Variants in MAGI2 observed in about 807,000 individuals in gnomAD.
MAGI2 encodes membrane associated guanylate kinase, WW and PDZ domain containing 2.
In MAGI2, 35 loss-of-function variants were observed where a neutral mutation model predicts 133.3. The observed-to-expected ratio is 0.26, with a 90% CI of 0.20 to 0.35. The LOEUF (loss-of-function observed/expected upper bound fraction) is 0.35. MAGI2 is among the 10% of genes least tolerant of loss of function. MAGI2 has a pLI of 1.00. For missense variants in MAGI2, 1,636 were observed against 1,863.4 expected (o/e 0.88, Z 2.25); for synonymous variants, 729 against 710.6 (o/e 1.03, Z -0.41).
At chr7:79,294,816 G>A (rs1406417101) in intron 1 of MAGI2, among the ~76,000 whole-genome samples, 5 of 130,036 alleles carry the variant, frequency 3.8e-5, no homozygotes, top group African/African-American at 8.5e-5. Flanking sequence ...TGCAAGCTCC[G>A]CCTCCCGGGT....
At chr7:79,324,935 T>A (rs1839574224) in intron 1 of MAGI2, among the ~76,000 whole-genome samples, 2 of 151,098 alleles carry the variant, frequency 1.3e-5, no homozygotes, top group Non-Finnish European at 2.9e-5. Context: ...AATAGGAAAA[T>A]TTGCATTTTT....
At position 78,870,761 on chromosome 7, in the gene MAGI2, A is replaced by ACTT. The variant is rs1236717582; in HGVS notation, c.418+136328_418+136329insAAG. 4.6e-5 allele frequency among the ~76,000 whole-genome samples: 7 copies of ACTT among 152,314 alleles called. No individual in the cohort carries two copies. The South Asian group carries it at 1.2e-3, about 27-fold the overall frequency. ...GACACTTGCACAATCATGTTTTAGC[A>ACTT]GCACAATTCACAATTGCAAAAATAT... On this transcript the variant is annotated intron_variant, in intron 2 of 21. Transcript: ENST00000354212.
intron 1 of MAGI2, among the ~76,000 whole-genome samples, chr7:79,060,400 T>C (rs983054745): frequency 2.6e-5 from 4 of 152,232 alleles, no homozygotes; most frequent in African/African-American, 9.6e-5. Flanking sequence ...ATAATGGTAG[T>C]TACCTCTAAG....
intron 1 of MAGI2, among the ~76,000 whole-genome samples, chr7:79,420,760 C>T (rs985979448): frequency 6.6e-6 from 1 of 151,910 alleles, no homozygotes; most frequent in Non-Finnish European, 1.5e-5. Context: ...CTCCAAAGTT[C>T]AGGCATTTTT....
intron 9 of MAGI2, among the ~76,000 whole-genome samples, chr7:78,323,129 T>C (rs564894528): frequency 7.7e-4 from 117 of 151,390 alleles, no homozygotes; most frequent in Non-Finnish European, 1.5e-3. Flanking sequence ...GTTTCCAAAA[T>C]GTTTGTTTAG....
chr7:78,734,422 T>G (rs1821652804), intron 2 of MAGI2, among the ~76,000 whole-genome samples: 1 of 152,176 alleles, frequency 6.6e-6, no homozygotes, highest in Non-Finnish European at 1.5e-5. Context: ...CTTATGTTCT[T>G]GACCTACCTC....
At chr7:78,630,330 G>A (rs567956804) in intron 2 of MAGI2, among the ~76,000 whole-genome samples, 1 of 150,784 alleles carries the variant, frequency 6.6e-6, no homozygotes, top group African/African-American at 2.4e-5. Flanking sequence ...CTTGTGTTTA[G>A]ATTAGTGTGA....
intron 10 of MAGI2, among the ~76,000 whole-genome samples, chr7:78,249,375 A>C (rs777868970): frequency 3.9e-5 from 6 of 152,250 alleles, no homozygotes; most frequent in South Asian, 4.1e-4. Flanking sequence ...TCTGAAGAAA[A>C]TAAAATGAAT....
chr7:79,321,063 G>C (rs1334329762), intron 1 of MAGI2, among the ~76,000 whole-genome samples: 4 of 152,108 alleles, frequency 2.6e-5, no homozygotes, highest in African/African-American at 9.7e-5. Flanking sequence ...TCTGTCATTA[G>C]ATGGACATAA....
At chr7:78,261,282 C>A (rs1046706950) in intron 9 of MAGI2, among the ~76,000 whole-genome samples, 1 of 152,102 alleles carries the variant, frequency 6.6e-6, no homozygotes, top group African/African-American at 2.4e-5. Flanking sequence ...TTGTTACTTG[C>A]CTCTAGTTAA....
intron 3 of MAGI2, among the ~76,000 whole-genome samples, chr7:78,567,317 C>A (rs956730175): frequency 6.6e-6 from 1 of 151,916 alleles, no homozygotes; most frequent in Non-Finnish European, 1.5e-5. Context: ...ATAACTGAAT[C>A]TGACACACAA....
At chr7:78,235,302 T>G (rs1790411366) in intron 10 of MAGI2, among the ~76,000 whole-genome samples, 1 of 152,156 alleles carries the variant, frequency 6.6e-6, no homozygotes, top group African/African-American at 2.4e-5. Flanking sequence ...GGCTGCATGC[T>G]CAAGGAAATT....
intron 1 of MAGI2, among the ~76,000 whole-genome samples, chr7:79,050,191 C>T (rs1393854291): frequency 1.3e-5 from 2 of 152,130 alleles, no homozygotes; most frequent in Non-Finnish European, 2.9e-5. Flanking sequence ...TGAATTTGGG[C>T]TCCATGCACA....
At position 78,843,239 on chromosome 7, in the gene MAGI2, C is replaced by T. The variant is rs1443060525; in HGVS notation, c.418+163851G>A. Among the ~76,000 whole-genome samples, 3 of 151,850 alleles carry T rather than the reference C, an allele frequency of 2.0e-5. No individual in the cohort carries two copies. In the Admixed American group the frequency reaches 2.0e-4, roughly 10 times the overall value. On this transcript the variant is annotated intron_variant, in intron 2 of 21. Transcript: ENST00000354212. ...ACTACATGTGGATGTGTTTCAGCAA[C>T]TTGAGGCTTCAGTTTTGAAATATAG... is the stretch of plus-strand genomic sequence containing the variant.
rs1790259756 is a variant in MAGI2, at chr7:78,340,548, A to G, written c.1408+3230T>C. Among the ~76,000 whole-genome samples, 6 of 152,212 alleles carry G rather than the reference A, an allele frequency of 3.9e-5. 1 individual carries two copies. The South Asian group carries it at 1.2e-3, about 32-fold the overall frequency. On this transcript the variant is annotated intron_variant, in intron 9 of 21. Coordinates refer to ENST00000354212, the MANE Select transcript of MAGI2 (RefSeq NM_012301.4). ...ATATCCTTGATGAACATCGATGCAAAAATCCTCAATAAAATACTGGCAAAC... is the reference window on the plus strand; with the variant it reads ...ATATCCTTGATGAACATCGATGCAAGAATCCTCAATAAAATACTGGCAAAC...
intron 2 of MAGI2, among the ~76,000 whole-genome samples, chr7:78,754,711 G>A (rs1174441903): frequency 2.6e-5 from 4 of 152,150 alleles, no homozygotes; most frequent in Non-Finnish European, 4.4e-5. Flanking sequence ...AAATTAATTG[G>A]AAAATTAGAT....
chr7:78,954,786 C>CT (rs1464771399), intron 2 of MAGI2, among the ~76,000 whole-genome samples: 5 of 151,956 alleles, frequency 3.3e-5, no homozygotes. Context: ...TGTGATCATT[C>CT]TTTTTTTAAA....
chr7:78,104,331 T>C (rs1258867847), intron 20 of MAGI2, among the ~76,000 whole-genome samples: 1 of 151,946 alleles, frequency 6.6e-6, no homozygotes, highest in Admixed American at 6.6e-5. Flanking sequence ...CGCGCCATTC[T>C]CCTGCCTCAG....
At chr7:78,066,444 A>G (rs1458749070) in intron 21 of MAGI2, among the ~76,000 whole-genome samples, 1 of 145,036 alleles carries the variant, frequency 6.9e-6, no homozygotes, top group African/African-American at 2.5e-5. Context: ...CCTGGGCATC[A>G]GAATGAGACT....
Sources: allele counts gnomAD v4.1 joint callset (sites outside exome capture counted in the v4.1 genomes callset), GRCh38; gene constraint gnomAD v4.1.1; transcripts MANE v1.5; gene names NCBI Gene and HGNC (gene_info 2026-07-23, HGNC 2026-07-21).